MLPH: variants seen among roughly 807,000 people sequenced by gnomAD.
MLPH encodes the protein exophilin-3.
MLPH carries 51 observed loss-of-function variants against 72.1 expected under a neutral mutation model. That is an observed-to-expected ratio of 0.71 (90% CI 0.56 to 0.89). The LOEUF is 0.89. Ranked by LOEUF, MLPH falls within the 40% of genes least tolerant of loss-of-function variation. The pLI, the probability that MLPH is intolerant of heterozygous loss-of-function variation, is 0.00. For synonymous variants in MLPH, 301 were observed against 310.1 expected (o/e 0.97, Z 0.31); for missense variants, 743 against 759.9 (o/e 0.98, Z 0.26).
Position 237,534,358 on chromosome 2 carries a change from G to A in MLPH, c.1021-206G>A, listed in dbSNP as rs115664464. On this transcript the variant is annotated intron_variant, in intron 8 of 15. Coordinates refer to ENST00000264605, the MANE Select transcript of MLPH (RefSeq NM_024101.7). Reference sequence around the variant, plus strand: ...CCCCACTCTCCCCTCTCTTGGTTCCGCTCCAAGATTTTGCTTGGTGTTCCA... The same window carrying A: ...CCCCACTCTCCCCTCTCTTGGTTCCACTCCAAGATTTTGCTTGGTGTTCCA... Among the ~76,000 whole-genome samples, 1,052 of 152,124 alleles carry A rather than the reference G, an allele frequency of 6.9e-3. 8 individuals are homozygous for A. Among genetic ancestry groups the A allele is most frequent in the African/African-American group, 0.024 (1,002 of 41,480 alleles).
intron 8 of MLPH, among the ~76,000 whole-genome samples, chr2:237,530,121 C>T (rs2080389002): frequency 6.6e-6 from 1 of 152,230 alleles, no homozygotes; most frequent in Admixed American, 6.5e-5. Flanking sequence ...GGAGCATCAC[C>T]CAGCTCTTCA....
chr2:237,533,198 T>A (rs1164487745), intron 8 of MLPH, among the ~76,000 whole-genome samples: 1 of 152,100 alleles, frequency 6.6e-6, no homozygotes, highest in Non-Finnish European at 1.5e-5. Flanking sequence ...CTCTTCACCC[T>A]CTCCTGGGGA....
chr2:237,496,723 G>A (rs75185486), intron 2 of MLPH, among the ~76,000 whole-genome samples: 1 of 152,210 alleles, frequency 6.6e-6, no homozygotes, highest in East Asian at 1.9e-4. Context: ...TTAGGGGGGG[G>A]CTTGTTAAGT....
At position 237,534,899 on chromosome 2, in the gene MLPH, T is replaced by C. The variant is rs9646713; in HGVS notation, c.1104+252T>C. Among the ~76,000 whole-genome samples, 30,093 of 152,068 alleles carry C rather than the reference T, an allele frequency of 0.2. 3,592 individuals are homozygous for C. The highest frequency in any genetic ancestry group is 0.33 in the African/African-American group (13,693 of 41,462). The stretch of plus-strand genomic sequence containing the variant: ...AATGAGAGAATGCTTGGAGGGCACA[T>C]ACGTGTAACAGCCTTCCCAGGGGAC... On this transcript the variant is annotated intron_variant, in intron 9 of 15. Transcript: ENST00000264605.
At chr2:237,501,235 G>A (rs577371571) in intron 2 of MLPH, among the ~76,000 whole-genome samples, 67 of 152,230 alleles carry the variant, frequency 4.4e-4, no homozygotes, top group African/African-American at 1.5e-3. Flanking sequence ...ACCATGGAAC[G>A]ACTCCACAGC....
rs535638328 is a variant in MLPH at position 237,513,812 on chromosome 2, C to T, written c.445+2711C>T. Among the ~76,000 whole-genome samples the T allele has an allele frequency of 2.9e-4, 44 of 152,194 alleles. No homozygotes were observed. The South Asian group carries it at 8.7e-3, about 30-fold the overall frequency. On this transcript the variant is annotated intron_variant, in intron 4 of 15. Transcript: ENST00000264605. ...GGTCTCTGCCTGTTGGTTTGGGATG[C>T]GTCTCCTCAAGGCACTCACTGTCCA...
At position 237,505,660 on chromosome 2, in the gene MLPH, T is replaced by C. The variant is rs1467691596; in HGVS notation, c.111-4914T>C. Among the ~76,000 whole-genome samples, 1 of 152,214 alleles carries C rather than the reference T, an allele frequency of 6.6e-6. No individual in the cohort carries two copies. The highest frequency in any genetic ancestry group is 2.4e-5 in the African/African-American group (1 of 41,458). Reference sequence around the variant, plus strand: ...AGAGCAGGGCACAGGTCTGACCCCTTCACCCTGCGTGGCTCACCAATCCTG... The same window carrying C: ...AGAGCAGGGCACAGGTCTGACCCCTCCACCCTGCGTGGCTCACCAATCCTG... On this transcript the variant is annotated intron_variant, in intron 2 of 15. Coordinates refer to ENST00000264605, the MANE Select transcript of MLPH (RefSeq NM_024101.7). The surrounding 1 kb of genome is among the most constrained non-coding windows in gnomAD (Gnocchi z 4.5).
intron 2 of MLPH, among the ~76,000 whole-genome samples, chr2:237,498,112 G>T (rs1323578151): frequency 6.6e-6 from 1 of 152,194 alleles, no homozygotes; most frequent in Non-Finnish European, 1.5e-5. Context: ...ATCGTTTCTT[G>T]GAAAGAGCTT....
chr2:237,496,475 A>T (rs2079538125), intron 2 of MLPH, among the ~76,000 whole-genome samples: 1 of 152,150 alleles, frequency 6.6e-6, no homozygotes, highest in Non-Finnish European at 1.5e-5. Flanking sequence ...TCACATTGCA[A>T]AGAAGGGACA....
At chr2:237,529,083 C>T (rs2080365811) in intron 8 of MLPH, among the ~76,000 whole-genome samples, 1 of 151,988 alleles carries the variant, frequency 6.6e-6, no homozygotes, top group Non-Finnish European at 1.5e-5. Flanking sequence ...TGCTCTGTTA[C>T]CCAGGCTGGA....
At chr2:237,498,658 G>C (rs1167428704) in intron 2 of MLPH, among the ~76,000 whole-genome samples, 3 of 152,190 alleles carry the variant, frequency 2.0e-5, no homozygotes, top group Non-Finnish European at 4.4e-5. Flanking sequence ...GAGAAGGAAG[G>C]GGAAGCCAGC....
chr2:237,527,648 A>T, intron 8 of MLPH, 132 bp downstream of exon 8: 1 of 1,126,832 alleles, frequency 8.9e-7, no homozygotes. Context: ...AGCCTACTTA[A>T]TGGAGATACG....
chr2:237,539,971 TGA>T (rs2080631514), intron 9 of MLPH, among the ~76,000 whole-genome samples: 1 of 152,154 alleles, frequency 6.6e-6, no homozygotes, highest in Non-Finnish European at 1.5e-5. Flanking sequence ...TGTATTTCCC[TGA>T]GAGAGAGTGG....
At position 237,510,805 on chromosome 2, in the gene MLPH, G is replaced by A; in HGVS notation, c.332+10G>A. ...CCTGCCATCTGGCCAGGTGAGCCCA[G>A]GCCTTGAGGTAAAATGACCTTGATA... On this transcript the variant is annotated intron_variant, in intron 3 of 15. Coordinates refer to ENST00000264605, the MANE Select transcript of MLPH (RefSeq NM_024101.7). This position sits in a 1 kb window ranked among gnomAD's most constrained non-coding sequence, Gnocchi z 4.4. 1 of 1,613,122 alleles carries A rather than the reference G, an allele frequency of 6.2e-7. No individual in the cohort carries two copies. The highest frequency in any genetic ancestry group is 1.1e-5 in the South Asian group (1 of 91,036).
In MLPH at chr2:237,516,914, A is replaced by AGGAT. The variant is rs1157566183; in HGVS notation, c.446-1600_446-1597dup. 3.0e-3 allele frequency among the ~76,000 whole-genome samples: 353 copies of AGGAT among 119,310 alleles called. 5 individuals are homozygous for AGGAT. Among genetic ancestry groups the AGGAT allele is most frequent in the African/African-American group, 0.011 (285 of 25,794 alleles). 78.3% of individuals were successfully genotyped at this position (119,310 alleles called of 152,430 possible). A position where few individuals can be genotyped will look rare whatever the true frequency, so the allele number is the denominator to read the frequency against. Reference sequence around the variant, plus strand: ...ATGGATGGTAGGATGGATGGATGGTAGGATGGATGGATGGATGGATGGATG... The same window carrying AGGAT: ...ATGGATGGTAGGATGGATGGATGGTAGGATGGATGGATGGATGGATGGATGGATG... On this transcript the variant is annotated intron_variant, in intron 4 of 15. Coordinates refer to ENST00000264605, the MANE Select transcript of MLPH (RefSeq NM_024101.7).
intron 1 of MLPH, among the ~76,000 whole-genome samples, chr2:237,490,979 C>T (rs942955790): frequency 6.6e-6 from 1 of 152,224 alleles, no homozygotes; most frequent in African/African-American, 2.4e-5. Context: ...TATCCTTCTC[C>T]ATTTTTATGG....
intron 4 of MLPH, among the ~76,000 whole-genome samples, chr2:237,513,062 G>A (rs1211897906): frequency 2.0e-5 from 3 of 151,416 alleles, no homozygotes; most frequent in African/African-American, 7.3e-5. Context: ...TTAAAACAGG[G>A]CGCAAGCAAG....
In MLPH at chr2:237,525,769, T is replaced by C. The variant is rs1009254768; in HGVS notation, c.844T>C (p.Ser282Pro). The change falls in exon 7 of 16, where the codon TCC (serine) becomes CCC (proline). Residue 282 changes from serine (S) to proline (P), a missense_variant. By Grantham distance (74) the Ser-to-Pro change is moderately conservative. Coordinates refer to ENST00000264605, the MANE Select transcript of MLPH (RefSeq NM_024101.7). ...ALAELCPPGG[S>P]HRMALGTAAA... ...GGCTGAGCTCTGCCCGCCTGGAGGC[T>C]CCCACAGGATGGCCCTGGGGACTGC... The C allele has an allele frequency of 3.7e-6, 6 of 1,613,530 alleles. No individual in the cohort carries two copies. In the African/African-American group the frequency reaches 8.0e-5, roughly 22 times the overall value.
intron 1 of MLPH, among the ~76,000 whole-genome samples, chr2:237,492,000 A>T (rs919117514): frequency 2.0e-5 from 3 of 152,132 alleles, no homozygotes; most frequent in Non-Finnish European, 4.4e-5. Context: ...ATGGGCCAAC[A>T]CGTGCACTCG....
Sources: allele counts gnomAD v4.1 joint callset (sites outside exome capture counted in the v4.1 genomes callset), GRCh38; gene constraint gnomAD v4.1.1; non-coding constraint Gnocchi (gnomAD v3.1); transcripts MANE v1.5; gene names NCBI Gene and HGNC (gene_info 2026-07-23, HGNC 2026-07-21).